The following PACRG variants were observed in gnomAD, a reference collection of about 807,000 sequenced individuals.
PACRG encodes the protein parkin coregulated, also known as parkin coregulated gene protein.
PACRG carries 29 observed loss-of-function variants against 29.7 expected under a neutral mutation model. The ratio of observed to expected loss-of-function variants is 0.98; its 90% CI spans 0.73 to 1.33. The LOEUF (loss-of-function observed/expected upper bound fraction) is 1.33. Ranked by LOEUF, PACRG falls within the 40% of genes most tolerant of loss-of-function variation. The pLI is 0.00. For synonymous variants in PACRG, 116 were observed against 118.7 expected (o/e 0.98, Z 0.15); for missense variants, 279 against 316.2 (o/e 0.88, Z 0.89).
intron 2 of PACRG, among the ~76,000 whole-genome samples, chr6:162,870,657 T>C (rs1274835680): frequency 1.3e-5 from 2 of 152,340 alleles, no homozygotes; most frequent in Middle Eastern, 3.4e-3. Flanking sequence ...CTCCCACTTA[T>C]GAATGAGAAC....
chr6:163,098,616 G>A (rs1814813518), intron 4 of PACRG, among the ~76,000 whole-genome samples: 1 of 152,142 alleles, frequency 6.6e-6, no homozygotes, highest in Non-Finnish European at 1.5e-5. Flanking sequence ...CAGGAAAGGG[G>A]TCCTGATCCA....
In PACRG at chr6:162,814,328, A is replaced by T. The variant is rs770988588; in HGVS notation, c.291+47A>T. 34 of 1,604,842 alleles carry T rather than the reference A, an allele frequency of 2.1e-5. No homozygotes were observed. In the South Asian group the frequency reaches 3.7e-4, roughly 17 times the overall value. ...CCGGCCAGCTGCACCCGCTGAAGTG[A>T]CATCTCCCAATGCCAAACACACTTG... On this transcript the variant is annotated intron_variant, in intron 2 of 4. Coordinates refer to ENST00000366888, the MANE Select transcript of PACRG (RefSeq NM_001080379.2).
intron 3 of PACRG, among the ~76,000 whole-genome samples, chr6:163,079,560 G>T (rs1424192233): frequency 1.3e-5 from 2 of 152,114 alleles, no homozygotes; most frequent in African/African-American, 2.4e-5. Context: ...AATACATGAG[G>T]TTAGCTTGGC....
chr6:163,172,136 G>T (rs1340190066), intron 4 of PACRG, among the ~76,000 whole-genome samples: 1 of 152,200 alleles, frequency 6.6e-6, no homozygotes, highest in Non-Finnish European at 1.5e-5. Context: ...TTAAGCTGCA[G>T]TTATTATTTT....
chr6:163,084,802 A>C (rs1010323298), intron 3 of PACRG, among the ~76,000 whole-genome samples: 6 of 127,304 alleles, frequency 4.7e-5, no homozygotes, highest in Non-Finnish European at 1.6e-5. Context: ...AAACCTAATA[A>C]AAATTTAATG....
intron 4 of PACRG, among the ~76,000 whole-genome samples, chr6:163,162,197 G>A (rs759349441): frequency 6.6e-6 from 1 of 152,132 alleles, no homozygotes; most frequent in African/African-American, 2.4e-5. Flanking sequence ...GCCAGGTCTC[G>A]GCAGGTGCTG....
intron 1 of PACRG, among the ~76,000 whole-genome samples, chr6:162,747,600 T>C (rs1334888932): frequency 2.0e-5 from 3 of 149,988 alleles, no homozygotes; most frequent in South Asian, 4.2e-4. Flanking sequence ...GAAATGCTTC[T>C]AGTGACCTAC....
At chr6:162,877,558 C>T (rs1793470773) in intron 2 of PACRG, among the ~76,000 whole-genome samples, 1 of 147,770 alleles carries the variant, frequency 6.8e-6, no homozygotes, top group Admixed American at 6.8e-5. Flanking sequence ...ACGTTCTGCA[C>T]ATGTATCCCA....
chr6:162,881,808 G>C (rs1381333182), intron 2 of PACRG, among the ~76,000 whole-genome samples: 3 of 148,724 alleles, frequency 2.0e-5, no homozygotes, highest in Non-Finnish European at 4.5e-5. Context: ...GAGACCCTGG[G>C]GTGCTTTCCA....
At chr6:163,083,870 G>A (rs1005756194) in intron 3 of PACRG, among the ~76,000 whole-genome samples, 3 of 151,724 alleles carry the variant, frequency 2.0e-5, no homozygotes, top group Admixed American at 6.6e-5. Context: ...CCACAATAGT[G>A]AATGACATCT....
At chr6:162,924,888 G>T (rs1192251459) in intron 2 of PACRG, among the ~76,000 whole-genome samples, 5 of 151,878 alleles carry the variant, frequency 3.3e-5, no homozygotes, top group Admixed American at 2.0e-4. Context: ...CTGGGTTTTT[G>T]AAAATAATTA....
chr6:162,832,727 G>A (rs1004537642), intron 2 of PACRG, among the ~76,000 whole-genome samples: 5 of 151,872 alleles, frequency 3.3e-5, no homozygotes, highest in Admixed American at 3.3e-4. Context: ...AATAGAAACA[G>A]AATGAGCATT....
intron 2 of PACRG, chr6:162,957,561 T>C (rs1584866993): frequency 3.8e-6 from 1 of 261,564 alleles, no homozygotes; most frequent in South Asian, 6.7e-5. Flanking sequence ...CCTAAGGCAG[T>C]ATGTCTAAGA....
At position 162,747,357 on chromosome 6, in the gene PACRG, T is replaced by C. The variant is rs1473097751; in HGVS notation, c.156+18966T>C. Among the ~76,000 whole-genome samples the C allele has an allele frequency of 5.8e-4, 40 of 68,482 alleles. 2 individuals are homozygous for C. Among genetic ancestry groups the C allele is most frequent in the Admixed American group, 1.1e-3 (6 of 5,278 alleles). The allele number at this position is 68,482 out of a possible 152,430, so 44.9% of individuals were successfully genotyped here. On this transcript the variant is annotated intron_variant, in intron 1 of 4. Transcript: ENST00000366888. The stretch of plus-strand genomic sequence containing the variant: ...ATATATATATATATATATATATATA[T>C]ATATATACACATACATATATATGTA...
chr6:162,787,582 G>GTATCTATATATA (rs1554279249), intron 1 of PACRG, among the ~76,000 whole-genome samples: 5 of 62,418 alleles, frequency 8.0e-5, no homozygotes, highest in Non-Finnish European at 1.2e-4. Flanking sequence ...GTGTGTGTGT[G>GTATCTATATATA]TATATATATA....
At chr6:163,056,263 G>A (rs1810582584) in intron 2 of PACRG, among the ~76,000 whole-genome samples, 1 of 152,180 alleles carries the variant, frequency 6.6e-6, no homozygotes, top group Non-Finnish European at 1.5e-5. Flanking sequence ...ATTGAAACCA[G>A]GTGTTCAAAC....
At chr6:162,828,964 G>T (rs1407077519) in intron 2 of PACRG, among the ~76,000 whole-genome samples, 5 of 152,048 alleles carry the variant, frequency 3.3e-5, no homozygotes, top group Non-Finnish European at 7.4e-5. Context: ...CCTAATTGAG[G>T]AATCATGAAT....
intron 1 of PACRG, among the ~76,000 whole-genome samples, chr6:162,780,961 A>G (rs1784050900): frequency 6.6e-6 from 1 of 152,066 alleles, no homozygotes; most frequent in African/African-American, 2.4e-5. Context: ...GAGGAGTGGG[A>G]GATAAAATAA....
At chr6:163,063,002 ACC>A (rs1316163284) in intron 3 of PACRG, among the ~76,000 whole-genome samples, 1 of 152,068 alleles carries the variant, frequency 6.6e-6, no homozygotes, top group African/African-American at 2.4e-5. Context: ...CAGTAGAGCC[ACC>A]CTGATGGGCA....
Sources: gnomAD v4.1 joint callset for allele counts (sites outside exome capture counted in the v4.1 genomes callset) on GRCh38, gnomAD v4.1.1 for gene constraint, MANE v1.5 for transcripts, NCBI Gene and HGNC (gene_info 2026-07-23, HGNC 2026-07-21) for gene names.